KCNIP4: variants seen among roughly 807,000 people sequenced by gnomAD.
The protein encoded by KCNIP4 is Kv channel-interacting protein 4.
In KCNIP4, 12 loss-of-function variants were observed where a neutral mutation model predicts 34.0. The ratio of observed to expected loss-of-function variants is 0.35; its 90% CI spans 0.23 to 0.57. The LOEUF is 0.57. Among genes scored for constraint, KCNIP4 ranks in the 20% least tolerant of loss-of-function variants. The probability of loss-of-function intolerance (pLI) is 0.83; values close to 1 mark genes in which losing one functional copy is unlikely to be tolerated. For missense variants in KCNIP4, 238 were observed against 311.7 expected (o/e 0.76, Z 1.78); for synonymous variants, 124 against 102.2 (o/e 1.21, Z -1.29).
intron 1 of KCNIP4, among the ~76,000 whole-genome samples, chr4:20,985,031 C>T (rs990187599): frequency 6.6e-6 from 1 of 152,164 alleles, no homozygotes; most frequent in African/African-American, 2.4e-5. Context: ...CAGGACCACA[C>T]TGGCTGAATC....
At chr4:21,388,505 G>T (rs1289646304) in intron 1 of KCNIP4, among the ~76,000 whole-genome samples, 2 of 151,748 alleles carry the variant, frequency 1.3e-5, no homozygotes, top group African/African-American at 4.8e-5. Flanking sequence ...GTTTTATTGG[G>T]GTATAATCAA....
intron 1 of KCNIP4, among the ~76,000 whole-genome samples, chr4:21,259,885 C>CTGTGTGTGTGTGTGTG (rs4054880): frequency 0.012 from 1,765 of 145,962 alleles, 13 homozygotes; most frequent in African/African-American, 0.02. Context: ...GCGCCCAAGA[C>CTGTGTGTGTGTGTGTG]TGTGTGTGTG....
intron 3 of KCNIP4, among the ~76,000 whole-genome samples, chr4:20,817,193 T>A (rs1247267389): frequency 6.6e-6 from 1 of 152,192 alleles, no homozygotes; most frequent in African/African-American, 2.4e-5. Context: ...TTTTAGTAAT[T>A]CTTGATGCAG....
chr4:21,431,536 A>G (rs1347365075), intron 1 of KCNIP4, among the ~76,000 whole-genome samples: 2 of 152,120 alleles, frequency 1.3e-5, no homozygotes, highest in African/African-American at 4.8e-5. Flanking sequence ...TCAGACATTT[A>G]TAAATGTAGA....
At chr4:20,757,014 A>C (rs1170152593) in intron 4 of KCNIP4, among the ~76,000 whole-genome samples, 1 of 152,048 alleles carries the variant, frequency 6.6e-6, no homozygotes, top group Non-Finnish European at 1.5e-5. Flanking sequence ...TCTGAGCCTC[A>C]CATTTGTGCC....
chr4:20,910,309 T>C (rs1470541190), intron 1 of KCNIP4, among the ~76,000 whole-genome samples: 1 of 151,888 alleles, frequency 6.6e-6, no homozygotes. Flanking sequence ...GTGTATCTGT[T>C]ACTTGAAGGG....
chr4:21,765,963 A>C (rs1020845845), intron 1 of KCNIP4, among the ~76,000 whole-genome samples: 23 of 152,086 alleles, frequency 1.5e-4, no homozygotes, highest in Non-Finnish European at 4.4e-5. Context: ...ATTAGAAAGG[A>C]GCCATCTGCA....
chr4:20,998,582 G>A (rs1737783934), intron 1 of KCNIP4, among the ~76,000 whole-genome samples: 1 of 152,168 alleles, frequency 6.6e-6, no homozygotes, highest in African/African-American at 2.4e-5. Flanking sequence ...GTAGATCTGA[G>A]GTCCATTGGT....
chr4:21,587,614 A>G (rs1015484420), intron 1 of KCNIP4, among the ~76,000 whole-genome samples: 1 of 152,074 alleles, frequency 6.6e-6, no homozygotes, highest in Non-Finnish European at 1.5e-5. Flanking sequence ...TGCTTATTCT[A>G]TCCCAGACGA....
intron 1 of KCNIP4, among the ~76,000 whole-genome samples, chr4:21,857,725 T>C (rs1348348161): frequency 6.6e-6 from 1 of 152,200 alleles, no homozygotes; most frequent in Non-Finnish European, 1.5e-5. Flanking sequence ...TCATTCTTCC[T>C]GGCTGCAGGA....
chr4:21,061,008 G>A (rs1229062929), intron 1 of KCNIP4, among the ~76,000 whole-genome samples: 1 of 152,034 alleles, frequency 6.6e-6, no homozygotes, highest in African/African-American at 2.4e-5. Context: ...AGATATGCAC[G>A]TCTTTTAAAT....
chr4:21,123,191 A>G (rs1030284103), intron 1 of KCNIP4, among the ~76,000 whole-genome samples: 4 of 140,444 alleles, frequency 2.8e-5, no homozygotes, highest in Admixed American at 7.2e-5. Context: ...TCCAGCCTGA[A>G]CGACAGAGCA....
rs371528188 is a variant in KCNIP4, at chr4:21,232,273, AT to A, written c.62-349565del. Reference sequence around the variant, plus strand: ...TGCACACAGAAGAGAAATGTAATCGATTTGTTGAGTTAAAAAAATAAACATA... The same window carrying A: ...TGCACACAGAAGAGAAATGTAATCGATTGTTGAGTTAAAAAAATAAACATA... On this transcript the variant is annotated intron_variant, in intron 1 of 8. Coordinates refer to ENST00000382152, the MANE Select transcript of KCNIP4 (RefSeq NM_025221.6). Among the ~76,000 whole-genome samples the A allele has an allele frequency of 3.5e-3, 530 of 152,288 alleles. 2 individuals are homozygous for A. Among genetic ancestry groups the A allele is most frequent in the South Asian group, 0.021 (103 of 4,826 alleles).
At chr4:21,643,870 T>TGATA (rs5856654) in intron 1 of KCNIP4, among the ~76,000 whole-genome samples, 22,944 of 107,366 alleles carry the variant, frequency 0.21, 2,057 homozygotes, top group East Asian at 0.36. Context: ...ATGATGATGA[T>TGATA]GATAGATAGA....
intron 1 of KCNIP4, among the ~76,000 whole-genome samples, chr4:21,351,289 C>A (rs531210901): frequency 1.1e-4 from 16 of 152,202 alleles, no homozygotes; most frequent in Non-Finnish European, 1.8e-4. Context: ...GTAGGAGGAA[C>A]CTGGTGGGAG....
chr4:20,735,518 GTTTTTTTTTTTGTT>G (rs1749380816), intron 5 of KCNIP4, among the ~76,000 whole-genome samples: 1 of 130,812 alleles, frequency 7.6e-6, no homozygotes, highest in Admixed American at 8.1e-5. Context: ...TTCATTTAGT[GTTTTTTTTTTTGTT>G]TTTTTTTTTT....
chr4:21,494,764 C>G (rs28493029), intron 1 of KCNIP4, among the ~76,000 whole-genome samples: 5,318 of 131,046 alleles, frequency 0.041, 298 homozygotes, highest in African/African-American at 0.14. Context: ...GCAACAGAGT[C>G]AGACTGTGTA....
At chr4:21,901,891 G>T (rs546949541) in intron 1 of KCNIP4, among the ~76,000 whole-genome samples, 1 of 152,022 alleles carries the variant, frequency 6.6e-6, no homozygotes, top group South Asian at 2.1e-4. Context: ...TTCCCTCCCC[G>T]ATCCCATTGA....
At chr4:21,724,741 C>T (rs907235074) in intron 1 of KCNIP4, among the ~76,000 whole-genome samples, 2 of 152,018 alleles carry the variant, frequency 1.3e-5, no homozygotes, top group Non-Finnish European at 2.9e-5. Context: ...AAAGTATTAT[C>T]ATTTTGAAGT....
Sources: gnomAD v4.1 joint callset for allele counts (sites outside exome capture counted in the v4.1 genomes callset) on GRCh38, gnomAD v4.1.1 for gene constraint, MANE v1.5 for transcripts, NCBI Gene and HGNC (gene_info 2026-07-23, HGNC 2026-07-21) for gene names.